The following CCDC7 variants were observed in gnomAD, a reference collection of about 807,000 sequenced individuals.
CCDC7 encodes the protein coiled-coil domain containing 7.
In CCDC7, 183 loss-of-function variants were observed where a neutral mutation model predicts 196.9. That is an observed-to-expected ratio of 0.93 (90% CI 0.82 to 1.05). CCDC7 has a LOEUF of 1.05. Among genes scored for constraint, CCDC7 ranks in the 50% least tolerant of loss-of-function variants. The pLI is 0.00. For synonymous variants in CCDC7, 525 were observed against 484.6 expected (o/e 1.08, Z -1.10); for missense variants, 1,540 against 1,482.2 (o/e 1.04, Z -0.64).
At position 32,654,291 on chromosome 10, in the gene CCDC7, T is replaced by G. The variant is rs574167282; in HGVS notation, c.2015-9763T>G. ...TAATAGCTGATTTAGAATCTTTGTC[T>G]AGTAAGTCCAACATCTTGGCATCTT... On this transcript the variant is annotated intron_variant, in intron 20 of 41. Transcript: ENST00000639629. Among the ~76,000 whole-genome samples, 178 of 152,342 alleles carry G rather than the reference T, an allele frequency of 1.2e-3. 1 individual carries two copies. The highest frequency in any genetic ancestry group is 4.1e-3 in the African/African-American group (172 of 41,578).
At chr10:32,720,536 A>G (rs545987047) in intron 25 of CCDC7, among the ~76,000 whole-genome samples, 107 of 152,244 alleles carry the variant, frequency 7.0e-4, no homozygotes, top group African/African-American at 2.4e-3. Flanking sequence ...ACAAGCCTGC[A>G]TGTTCTGCAC....
intron 24 of CCDC7, among the ~76,000 whole-genome samples, chr10:32,707,759 T>G (rs527894215): frequency 2.0e-5 from 3 of 152,178 alleles, no homozygotes; most frequent in Admixed American, 6.5e-5. Context: ...GAATCCAACT[T>G]ACAAGGGACG....
chr10:32,466,676 A>G (rs2036863445), intron 5 of CCDC7, among the ~76,000 whole-genome samples: 1 of 152,212 alleles, frequency 6.6e-6, no homozygotes, highest in Non-Finnish European at 1.5e-5. Context: ...TCAACCACTG[A>G]TGGACATTTA....
intron 24 of CCDC7, among the ~76,000 whole-genome samples, chr10:32,704,747 T>G (rs113739672): frequency 0.053 from 8,101 of 152,232 alleles, 730 homozygotes; most frequent in African/African-American, 0.18. Context: ...GCCTTGCAGT[T>G]TGATCTCAGA....
intron 29 of CCDC7, among the ~76,000 whole-genome samples, chr10:32,784,646 A>T (rs1185755361): frequency 6.6e-6 from 1 of 150,494 alleles, no homozygotes; most frequent in African/African-American, 2.4e-5. Flanking sequence ...ATCTCGGCTC[A>T]CTGCAACCTT....
chr10:32,603,518 C>G (rs772164618), intron 18 of CCDC7, among the ~76,000 whole-genome samples: 1 of 148,874 alleles, frequency 6.7e-6, no homozygotes, highest in Non-Finnish European at 1.5e-5. Flanking sequence ...TTTTGAGAAA[C>G]CTCTATAATG....
At chr10:32,564,290 C>A (rs2056364078) in intron 13 of CCDC7, among the ~76,000 whole-genome samples, 1 of 152,250 alleles carries the variant, frequency 6.6e-6, no homozygotes, top group Admixed American at 6.5e-5. Context: ...ACCCAGCCAT[C>A]CCATTACTGG....
chr10:32,476,229 C>T (rs574821395), intron 8 of CCDC7, among the ~76,000 whole-genome samples: 1 of 152,276 alleles, frequency 6.6e-6, no homozygotes, highest in South Asian at 2.1e-4. Flanking sequence ...CCTCCATCCA[C>T]CTGAATCCCT....
At position 32,567,885 on chromosome 10, in the gene CCDC7, T is replaced by A. The variant is rs377596030; in HGVS notation, c.1413T>A (p.Tyr471Ter). 2.8e-5 allele frequency: 45 copies of A among 1,612,016 alleles called. No individual in the cohort carries two copies. The highest frequency in any genetic ancestry group is 3.6e-5 in the Non-Finnish European group (43 of 1,179,458). The change falls in exon 15 of 42, where the codon TAT becomes TAA. Residue 471 changes from tyrosine (Y) to a stop codon, truncating the protein, a stop_gained. Coordinates refer to ENST00000639629, the Ensembl canonical transcript of CCDC7. LOFTEE classifies it high-confidence loss of function. The stretch of plus-strand genomic sequence containing the variant: ...GGACAAGTGATAAAATCCAAGAATA[T>A]CCACAGGTGAGGAAATAACCAAAAT...
chr10:32,664,206 A>G (rs866977718), intron 21 of CCDC7, 45 bp downstream of exon 22: 1 of 390,188 alleles, frequency 2.6e-6, no homozygotes, highest in African/African-American at 2.1e-5. Context: ...TTTAAGATTT[A>G]TTTTTAATTG....
chr10:32,872,665 AGTGGCTGGTACCGGTT>A (rs2094470666), intron 41 of CCDC7, among the ~76,000 whole-genome samples: 2 of 152,016 alleles, frequency 1.3e-5, no homozygotes, highest in African/African-American at 2.4e-5. Flanking sequence ...ATGTTTTTGC[AGTGGCTGGTACCGGTT>A]GTTCCTTTCC....
At chr10:32,881,638 C>T, downstream of CCDC7, among the ~76,000 whole-genome samples, 1 of 152,106 alleles carries the variant, frequency 6.6e-6, no homozygotes, top group East Asian at 1.9e-4. Context: ...CTTTTCCTAA[C>T]CCTTTTATCA....
In CCDC7 at chr10:32,771,575, G is replaced by A. The variant is rs184519588; in HGVS notation, c.2906-7402G>A. 3.8e-3 allele frequency among the ~76,000 whole-genome samples: 584 copies of A among 152,274 alleles called. 2 individuals carry two copies. Among genetic ancestry groups the A allele is most frequent in the Non-Finnish European group, 5.4e-3 (369 of 68,018 alleles). ...CTTTTAGATTTCTTCTAACTGCCCA[G>A]TGAAGTTGCCACATTCCAGGCTGCT... On this transcript the variant is annotated intron_variant, in intron 28 of 41. Transcript: ENST00000639629.
intron 18 of CCDC7, among the ~76,000 whole-genome samples, chr10:32,595,412 T>G (rs571692547): frequency 6.6e-6 from 1 of 152,310 alleles, no homozygotes; most frequent in Non-Finnish European, 1.5e-5. Context: ...TATAATTTTT[T>G]ATTGCGTCTA....
At chr10:32,828,704 G>A (rs988685609) in intron 32 of CCDC7, among the ~76,000 whole-genome samples, 1 of 151,996 alleles carries the variant, frequency 6.6e-6, no homozygotes, top group Non-Finnish European at 1.5e-5. Context: ...TGCAGGGCTG[G>A]GACAAAATTC....
At chr10:32,459,108 T>C (rs2035024038) in intron 3 of CCDC7, among the ~76,000 whole-genome samples, 1 of 152,204 alleles carries the variant, frequency 6.6e-6, no homozygotes, top group Non-Finnish European at 1.5e-5. Context: ...TATATAAACA[T>C]GCCACTGATT....
exon 7 of CCDC7, chr10:32,472,506 G>T: frequency 6.3e-7 from 1 of 1,588,292 alleles, no homozygotes; most frequent in Non-Finnish European, 8.6e-7. Context: ...ACCAGAAGCA[G>T]TGAAAAGTTG....
intron 33 of CCDC7, among the ~76,000 whole-genome samples, chr10:32,835,514 C>A (rs544034706): frequency 6.6e-6 from 1 of 152,088 alleles, no homozygotes; most frequent in Non-Finnish European, 1.5e-5. Flanking sequence ...AAAAAAGAAA[C>A]AAGATCATGT....
At chr10:32,653,303 C>A (rs1314215603) in intron 20 of CCDC7, among the ~76,000 whole-genome samples, 1 of 152,038 alleles carries the variant, frequency 6.6e-6, no homozygotes, top group Non-Finnish European at 1.5e-5. Context: ...GAATCAAGGA[C>A]CACAGAGTTC....
Sources: gnomAD v4.1 joint callset for allele counts (sites outside exome capture counted in the v4.1 genomes callset) on GRCh38, gnomAD v4.1.1 for gene constraint, MANE v1.5 for transcripts, NCBI Gene and HGNC (gene_info 2026-07-23, HGNC 2026-07-21) for gene names.